WDR49: variants seen among roughly 807,000 people sequenced by gnomAD.
WDR49 encodes the protein WD repeat domain 49, also known as cilia- and flagella-associated protein 337.
WDR49 carries 107 observed loss-of-function variants against 119.5 expected under a neutral mutation model. The observed-to-expected ratio is 0.90, with a 90% CI of 0.77 to 1.05. WDR49 has a LOEUF of 1.05. Ranked by LOEUF, WDR49 falls within the 50% of genes least tolerant of loss-of-function variation. The pLI is 0.00. For missense variants in WDR49, 1,240 were observed against 1,220.5 expected, an observed-to-expected ratio of 1.02 and a Z score of -0.24; for synonymous variants, 425 against 418.8, an observed-to-expected ratio of 1.01 and a Z score of -0.18.
At chr3:167,588,153 G>A (rs766563614) in intron 7 of WDR49, among the ~76,000 whole-genome samples, 4 of 151,916 alleles carry the variant, frequency 2.6e-5, no homozygotes, top group African/African-American at 9.7e-5. Flanking sequence ...ATCTCCATCA[G>A]TTCAATTGTT....
chr3:167,555,750 A>G (rs1712885709), intron 9 of WDR49, among the ~76,000 whole-genome samples: 1 of 146,908 alleles, frequency 6.8e-6, no homozygotes, highest in Non-Finnish European at 1.5e-5. Context: ...ATTCAGTGTG[A>G]TGGTAGGAGA....
At chr3:167,537,154 A>T (rs1206135813) in intron 10 of WDR49, among the ~76,000 whole-genome samples, 154 bp from the exon 11 acceptor site, 1 of 152,164 alleles carries the variant, frequency 6.6e-6, no homozygotes, top group African/African-American at 2.4e-5. Context: ...TGAGTTTCCC[A>T]CACTAAACAT....
At chr3:167,521,963 AAGATAGATAGATAGATAGAT>A (rs201398579) in intron 16 of WDR49, among the ~76,000 whole-genome samples, 30 of 77,226 alleles carry the variant, frequency 3.9e-4, no homozygotes, top group African/African-American at 5.3e-4. Flanking sequence ...TACACATTCT[AAGATAGATAGATAGATAGAT>A]AGATAGATAG....
intron 7 of WDR49, among the ~76,000 whole-genome samples, chr3:167,594,980 G>C (rs1715336344): frequency 6.7e-6 from 1 of 150,084 alleles, no homozygotes; most frequent in Non-Finnish European, 1.5e-5. Flanking sequence ...CATTGTCTCA[G>C]CCCAAAATCT....
rs1372482360 is a variant in WDR49 at position 167,620,432 on chromosome 3, G to A, written c.955C>T (p.Gln319Ter). Residue 319 changes from glutamine (Q) to a stop codon, truncating the protein, a stop_gained, in exon 5 of 19, where the codon CAA (glutamine) becomes TAA (stop). Coordinates refer to ENST00000682715, the MANE Select transcript of WDR49 (RefSeq NM_001366157.1). LOFTEE classifies it high-confidence loss of function. ...CATTACTGTTCAAATTCAATACCTT[G>A]CCTGACCCAATCTCCTTGATGAAGT... ...HKLHQGDWVR[Q>*]VTYNASLDAI... The A allele has an allele frequency of 1.3e-6, 2 of 1,535,010 alleles. No homozygotes were observed. The highest frequency in any genetic ancestry group is 1.7e-6 in the Non-Finnish European group (2 of 1,146,094).
At chr3:167,519,730 C>T (rs1752359830) in intron 16 of WDR49, among the ~76,000 whole-genome samples, 1 of 152,050 alleles carries the variant, frequency 6.6e-6, no homozygotes, top group African/African-American at 2.4e-5. Context: ...CAGCAAACCT[C>T]CATGGCATAC....
chr3:167,550,991 AC>A (rs1324275973), intron 10 of WDR49, among the ~76,000 whole-genome samples: 1 of 151,912 alleles, frequency 6.6e-6, no homozygotes, highest in African/African-American at 2.4e-5. Context: ...TTGTGAATTG[AC>A]TCTATGCCAA....
chr3:167,492,133 T>C (rs1334741859), intron 18 of WDR49, among the ~76,000 whole-genome samples: 1 of 149,422 alleles, frequency 6.7e-6, no homozygotes, highest in African/African-American at 2.5e-5. Flanking sequence ...GAGAAATATA[T>C]TGGTAATTGA....
chr3:167,517,262 T>C (rs969192456), intron 16 of WDR49, among the ~76,000 whole-genome samples: 20 of 152,060 alleles, frequency 1.3e-4, no homozygotes. Flanking sequence ...GCTACCCAAC[T>C]TCAAACTGTA....
At chr3:167,637,423 A>C (rs1277294140) in intron 2 of WDR49, among the ~76,000 whole-genome samples, 1 of 151,674 alleles carries the variant, frequency 6.6e-6, no homozygotes, top group Non-Finnish European at 1.5e-5. Flanking sequence ...AAATCAGGTA[A>C]TGTGATGCCT....
intron 16 of WDR49, 66 bp downstream of exon 16, chr3:167,522,249 G>T: frequency 7.0e-7 from 1 of 1,437,618 alleles, no homozygotes; most frequent in East Asian, 2.5e-5. Flanking sequence ...AGGAAATTTG[G>T]ACCAATCTTA....
intron 5 of WDR49, among the ~76,000 whole-genome samples, chr3:167,619,891 T>C (rs927004711): frequency 6.6e-5 from 10 of 152,064 alleles, no homozygotes; most frequent in African/African-American, 2.2e-4. Flanking sequence ...CTGTAGATAC[T>C]GATTTTATAA....
intron 7 of WDR49, among the ~76,000 whole-genome samples, chr3:167,577,966 C>A (rs1342487018): frequency 6.6e-6 from 1 of 152,120 alleles, no homozygotes; most frequent in African/African-American, 2.4e-5. Flanking sequence ...ACACACCTCA[C>A]AAACATACTA....
intron 7 of WDR49, among the ~76,000 whole-genome samples, chr3:167,587,582 C>T (rs1476390618): frequency 6.6e-6 from 1 of 152,132 alleles, no homozygotes; most frequent in East Asian, 1.9e-4. Context: ...GCCTACCAGG[C>T]TTAGATGATT....
intron 17 of WDR49, among the ~76,000 whole-genome samples, chr3:167,504,848 C>T (rs1159431432): frequency 1.3e-5 from 2 of 152,030 alleles, no homozygotes; most frequent in African/African-American, 4.8e-5. Context: ...CTCATGGTAG[C>T]AAGTCCACAG....
intron 18 of WDR49, among the ~76,000 whole-genome samples, chr3:167,494,460 T>C (rs1049341548): frequency 5.3e-5 from 8 of 150,982 alleles, no homozygotes; most frequent in African/African-American, 1.7e-4. Flanking sequence ...TCATTCTCAC[T>C]GCACCAGATA....
chr3:167,647,038 A>G (rs1042567936), intron 2 of WDR49, among the ~76,000 whole-genome samples: 3 of 152,128 alleles, frequency 2.0e-5, no homozygotes, highest in Non-Finnish European at 2.9e-5. Flanking sequence ...ACTTGGCAAA[A>G]TGTGACAAAT....
At chr3:167,609,152 A>T (rs943493677) in intron 5 of WDR49, among the ~76,000 whole-genome samples, 1 of 152,170 alleles carries the variant, frequency 6.6e-6, no homozygotes, top group Non-Finnish European at 1.5e-5. Flanking sequence ...AGAAGTCTCC[A>T]CCAATTCTCC....
intron 2 of WDR49, among the ~76,000 whole-genome samples, chr3:167,639,009 G>A (rs1055241694): frequency 1.3e-5 from 2 of 151,534 alleles, no homozygotes; most frequent in African/African-American, 4.8e-5. Flanking sequence ...AAATATAATT[G>A]TTCTTATTAA....
Sources: allele counts gnomAD v4.1 joint callset (sites outside exome capture counted in the v4.1 genomes callset), GRCh38; gene constraint gnomAD v4.1.1; transcripts MANE v1.5; gene names NCBI Gene and HGNC (gene_info 2026-07-23, HGNC 2026-07-21).